ROR2: variants seen among roughly 807,000 people sequenced by gnomAD.
The protein encoded by ROR2 is tyrosine-protein kinase transmembrane receptor ROR2.
Under a neutral mutation model 74.9 loss-of-function variants are expected in ROR2, and 33 were observed. That is an observed-to-expected ratio of 0.44 (90% confidence interval 0.33 to 0.59). ROR2 has a LOEUF of 0.59. ROR2 is among the 20% of genes least tolerant of loss of function. The pLI, the probability that ROR2 is intolerant of heterozygous loss-of-function variation, is 0.02. For missense variants in ROR2, 1,216 were observed against 1,313.8 expected, an observed-to-expected ratio of 0.93 and a Z score of 1.15; for synonymous variants, 586 against 558.7, an observed-to-expected ratio of 1.05 and a Z score of -0.69.
At chr9:91,767,872 C>T (rs1229506724) in intron 2 of ROR2, among the ~76,000 whole-genome samples, 1 of 152,198 alleles carries the variant, frequency 6.6e-6, no homozygotes, top group African/African-American at 2.4e-5. Context: ...CCGTGTCCCC[C>T]AGCCACTCAT....
chr9:91,897,585 G>A (rs539035187), intron 1 of ROR2, among the ~76,000 whole-genome samples: 37 of 151,644 alleles, frequency 2.4e-4, no homozygotes, highest in African/African-American at 8.9e-4. Context: ...TATTCCAGGT[G>A]GGGGGAACCA....
chr9:91,939,227 C>T (rs1239031920), intron 1 of ROR2, among the ~76,000 whole-genome samples: 1 of 151,394 alleles, frequency 6.6e-6, no homozygotes, highest in Non-Finnish European at 1.5e-5. Flanking sequence ...TCCAGCCTGG[C>T]GACAAAGCGA....
rs1418982931 is a variant in ROR2, at chr9:91,897,960, C to T, written c.97+51907G>A. Among the ~76,000 whole-genome samples, 5 of 152,078 alleles carry T rather than the reference C, an allele frequency of 3.3e-5. No homozygotes were observed. The East Asian group carries it at 5.8e-4, about 18-fold the overall frequency. On this transcript the variant is annotated intron_variant, in intron 1 of 8. Transcript: ENST00000375708. ...CTGCCTGGAGCCACAGAAGGTGAGACTGAAGAGGAAGGGAGAAGGAGCACC... is the reference window on the plus strand; with the variant it reads ...CTGCCTGGAGCCACAGAAGGTGAGATTGAAGAGGAAGGGAGAAGGAGCACC...
intron 1 of ROR2, among the ~76,000 whole-genome samples, chr9:91,879,136 T>C (rs968227870): frequency 2.0e-5 from 3 of 150,530 alleles, no homozygotes; most frequent in East Asian, 1.9e-4. Context: ...TGGTCAAACA[T>C]GGGAAAAGGA....
At chr9:91,923,867 G>A (rs1831331682) in intron 1 of ROR2, 1 of 152,262 alleles carries the variant, frequency 6.6e-6, no homozygotes, top group African/African-American at 2.4e-5. Flanking sequence ...CCCAGAGATG[G>A]AGGAATGCAG....
At position 91,724,407 on chromosome 9, in the gene ROR2, T is replaced by C. The variant is rs1836929652; in HGVS notation, c.2087A>G (p.Tyr696Cys). 1 of 1,613,938 alleles carries C rather than the reference T, an allele frequency of 6.2e-7. No individual in the cohort carries two copies. Among genetic ancestry groups the C allele is most frequent in the African/African-American group, 1.3e-5 (1 of 74,906 alleles). Residue 696 changes from tyrosine (Y) to cysteine (C), a missense_variant, in exon 9 of 9, where the codon TAC becomes TGC. Tyr to Cys is a radical substitution (Grantham distance 194, BLOSUM62 -2). Transcript: ENST00000375708. ...FSYGLQPYCG[Y>C]SNQDVVEMIR... ...CATCTCCACCACATCCTGGTTGGAG[T>C]ACCCGCAGTAGGGCTGCAGGCCGTA...
At chr9:91,831,257 C>T (rs1243671058) in intron 1 of ROR2, among the ~76,000 whole-genome samples, 1 of 144,556 alleles carries the variant, frequency 6.9e-6, no homozygotes, top group Non-Finnish European at 1.5e-5. Flanking sequence ...AGCGAAACTC[C>T]ATCTCAAAAA....
At chr9:91,777,392 C>G (rs891284639) in intron 1 of ROR2, among the ~76,000 whole-genome samples, 1 of 149,524 alleles carries the variant, frequency 6.7e-6, no homozygotes, top group African/African-American at 2.4e-5. Context: ...AAAACTGCCA[C>G]ACACACACAC....
intron 1 of ROR2, among the ~76,000 whole-genome samples, chr9:91,829,711 G>T (rs1828403285): frequency 6.6e-6 from 1 of 152,154 alleles, no homozygotes; most frequent in Non-Finnish European, 1.5e-5. Context: ...TTCTGGAACT[G>T]GACCAGCTGA....
At chr9:91,911,950 A>C (rs1009014608) in intron 1 of ROR2, among the ~76,000 whole-genome samples, 2 of 151,726 alleles carry the variant, frequency 1.3e-5, no homozygotes. Context: ...AAAAAAAAAA[A>C]AAAACCACAA....
chr9:91,946,570 A>G (rs1248802780), intron 1 of ROR2, among the ~76,000 whole-genome samples: 1 of 152,272 alleles, frequency 6.6e-6, no homozygotes, highest in African/African-American at 2.4e-5. Flanking sequence ...GAAGATGGTT[A>G]TAAACCCTGG....
chr9:91,834,163 G>A (rs1474308428), intron 1 of ROR2, among the ~76,000 whole-genome samples: 1 of 152,168 alleles, frequency 6.6e-6, no homozygotes, highest in Non-Finnish European at 1.5e-5. Flanking sequence ...AGAGAAAAAG[G>A]CACAGCCTGG....
chr9:91,854,449 C>T (rs2119272345), intron 1 of ROR2, among the ~76,000 whole-genome samples: 1 of 152,340 alleles, frequency 6.6e-6, no homozygotes, highest in Non-Finnish European at 1.5e-5. Flanking sequence ...TCTGCTGCTG[C>T]TGACCTTCTG....
intron 1 of ROR2, among the ~76,000 whole-genome samples, chr9:91,936,067 G>A (rs757726717): frequency 6.6e-6 from 1 of 152,228 alleles, no homozygotes; most frequent in Non-Finnish European, 1.5e-5. Flanking sequence ...GCTGAGGGCC[G>A]GGGCCAGACA....
chr9:91,884,690 C>T (rs925488699), intron 1 of ROR2, among the ~76,000 whole-genome samples: 1 of 152,088 alleles, frequency 6.6e-6, no homozygotes, highest in Non-Finnish European at 1.5e-5. Context: ...GCTAACACAT[C>T]CTGCGGGCTG....
chr9:91,888,818 G>A (rs950504245), intron 1 of ROR2, among the ~76,000 whole-genome samples: 7 of 152,174 alleles, frequency 4.6e-5, no homozygotes, highest in South Asian at 4.1e-4. Context: ...TGTCCTGCAC[G>A]GGAAGCAATG....
chr9:91,786,158 C>CAAAAA lies in ROR2; in HGVS notation c.98-10345_98-10341dup, dbSNP rs35972600. On this transcript the variant is annotated intron_variant, in intron 1 of 8. Coordinates refer to ENST00000375708, the MANE Select transcript of ROR2 (RefSeq NM_004560.4). Reference sequence around the variant, plus strand: ...TAACATACGGAAACCCTGTTTCTACCAAAAAAAAAAAAAAAAAAAAAAGCC... The same window carrying CAAAAA: ...TAACATACGGAAACCCTGTTTCTACCAAAAAAAAAAAAAAAAAAAAAAAAAAAGCC... Among the ~76,000 whole-genome samples, 14 of 56,532 alleles carry CAAAAA rather than the reference C, an allele frequency of 2.5e-4. 1 individual carries two copies. The highest frequency in any genetic ancestry group is 6.8e-4 in the African/African-American group (9 of 13,324). The allele number at this position is 56,532 out of a possible 152,430, so 37.1% of individuals were successfully genotyped here.
chr9:91,890,833 T>A (rs774956286), intron 1 of ROR2, among the ~76,000 whole-genome samples: 5 of 152,228 alleles, frequency 3.3e-5, no homozygotes. Context: ...AATCCTTTTA[T>A]GGAGTTAACT....
intron 1 of ROR2, among the ~76,000 whole-genome samples, chr9:91,881,848 C>T (rs1830120176): frequency 6.6e-6 from 1 of 152,044 alleles, no homozygotes; most frequent in Non-Finnish European, 1.5e-5. Flanking sequence ...GGGAGAAATT[C>T]GAGGAAAAGC....
Sources: gnomAD v4.1 joint callset for allele counts (sites outside exome capture counted in the v4.1 genomes callset) on GRCh38, gnomAD v4.1.1 for gene constraint, MANE v1.5 for transcripts, NCBI Gene and HGNC (gene_info 2026-07-23, HGNC 2026-07-21) for gene names.